The following SS18L1 variants were observed in gnomAD, a reference collection of about 807,000 sequenced individuals.
The protein encoded by SS18L1 is SS18L1 subunit of BAF chromatin remodeling complex.
A neutral mutation model predicts 70.3 loss-of-function variants in SS18L1; 32 were observed. That is an observed-to-expected ratio of 0.46 (90% CI 0.34 to 0.61). The LOEUF is 0.61. SS18L1 is among the 20% of genes least tolerant of loss of function. The pLI is 0.01. For missense variants in SS18L1, 430 were observed against 542.1 expected (o/e 0.79, Z 2.05); for synonymous variants, 237 against 229.7 (o/e 1.03, Z -0.29).
chr20:62,144,407 G>A (rs2056984224), intron 1 of SS18L1, among the ~76,000 whole-genome samples: 2 of 152,364 alleles, frequency 1.3e-5, no homozygotes, highest in Admixed American at 1.3e-4. Flanking sequence ...GCGACCGCGG[G>A]GACTGTGGCC....
intron 10 of SS18L1, among the ~76,000 whole-genome samples, chr20:62,178,485 G>A (rs1049153381): frequency 6.6e-6 from 1 of 151,994 alleles, no homozygotes; most frequent in African/African-American, 2.4e-5. Flanking sequence ...TTGTAGAGAT[G>A]GGGTCTTGCT....
chr20:62,147,038 T>C (rs2057043527), intron 1 of SS18L1, among the ~76,000 whole-genome samples: 1 of 152,180 alleles, frequency 6.6e-6, no homozygotes, highest in South Asian at 2.1e-4. Flanking sequence ...GTACCTCCCA[T>C]GCGCAGGCAC....
chr20:62,166,079 T>G (rs1345021576), intron 8 of SS18L1, among the ~76,000 whole-genome samples: 1 of 152,264 alleles, frequency 6.6e-6, no homozygotes, highest in Non-Finnish European at 1.5e-5. Context: ...CTGTGGTGTC[T>G]GTGCCCCCAC....
At chr20:62,170,669 C>T (rs369954137) in intron 8 of SS18L1, among the ~76,000 whole-genome samples, 3 of 152,226 alleles carry the variant, frequency 2.0e-5, no homozygotes, top group African/African-American at 7.2e-5. Flanking sequence ...CCACAGATGT[C>T]GTGCCCCCTT....
intron 1 of SS18L1, among the ~76,000 whole-genome samples, chr20:62,152,384 C>G (rs1486296366): frequency 1.3e-5 from 2 of 152,218 alleles, no homozygotes; most frequent in Non-Finnish European, 2.9e-5. Flanking sequence ...TCTGGCTCCT[C>G]CAGATGGAGT....
At chr20:62,156,169 G>A (rs890071562) in intron 1 of SS18L1, among the ~76,000 whole-genome samples, 4 of 152,164 alleles carry the variant, frequency 2.6e-5, no homozygotes, top group African/African-American at 4.8e-5. Context: ...TCCCGGCCCC[G>A]TGCTGGGAGT....
rs143794824 is a variant in SS18L1 at position 62,179,991 on chromosome 20, C to G, written c.*783C>G. ...CGGTATTGCTGAAGGAAAGGGGCAG[C>G]TCTCTGGGAAGTGGGCCCTCAGAGA... On this transcript the variant is annotated 3_prime_UTR_variant, in exon 11 of 11. Coordinates refer to ENST00000331758, the MANE Select transcript of SS18L1 (RefSeq NM_198935.3). 9.0e-6 allele frequency: 2 copies of G among 222,624 alleles called. No individual in the cohort carries two copies. The highest frequency in any genetic ancestry group is 4.5e-5 in the African/African-American group (2 of 44,808). 13.8% of individuals were successfully genotyped at this position (222,624 alleles called of 1,614,324 possible). A position where few individuals can be genotyped will look rare whatever the true frequency, so the allele number is the denominator to read the frequency against.
rs113441351 is a variant in SS18L1, at chr20:62,174,289, C to T, written c.1037-228C>T. Among the ~76,000 whole-genome samples the T allele has an allele frequency of 8.5e-5, 13 of 152,148 alleles. No homozygotes were observed. Among genetic ancestry groups the T allele is most frequent in the Non-Finnish European group, 1.3e-4 (9 of 68,002 alleles). ...CCTGGGGCACAGTCCTGGGACCTCA[C>T]AGGACTGGAGGGGCTGGTGAGTCGG... On this transcript the variant is annotated intron_variant, in intron 9 of 10. Coordinates refer to ENST00000331758, the MANE Select transcript of SS18L1 (RefSeq NM_198935.3). The surrounding 1 kb of genome is among the most constrained non-coding windows in gnomAD (Gnocchi z 4.1).
At chr20:62,154,281 T>G (rs1467220082) in intron 1 of SS18L1, 1 of 1,019,778 alleles carries the variant, frequency 9.8e-7, no homozygotes, top group Non-Finnish European at 1.2e-6. Flanking sequence ...ACTCTGACAG[T>G]TTTTGAAGAA....
chr20:62,172,079 G>A (rs1157702659), intron 8 of SS18L1, among the ~76,000 whole-genome samples: 4 of 151,512 alleles, frequency 2.6e-5, no homozygotes. Flanking sequence ...GGAGAATGGC[G>A]TGAACCCGGG....
chr20:62,167,397 G>GA (rs74893564), intron 8 of SS18L1, among the ~76,000 whole-genome samples: 6,581 of 122,076 alleles, frequency 0.054, 229 homozygotes, highest in African/African-American at 0.095. Flanking sequence ...TTTCTCTCCC[G>GA]AAAAAAAAAA....
At chr20:62,154,814 C>T (rs2057193586) in intron 1 of SS18L1, among the ~76,000 whole-genome samples, 1 of 152,172 alleles carries the variant, frequency 6.6e-6, no homozygotes, top group Non-Finnish European at 1.5e-5. Flanking sequence ...GTGATTTCTT[C>T]ACTGCTCCTG....
intron 5 of SS18L1, 81 bp downstream of exon 5, chr20:62,163,012 C>T: frequency 6.6e-7 from 1 of 1,525,336 alleles, no homozygotes; most frequent in Non-Finnish European, 8.9e-7. Context: ...GACATGTGGT[C>T]CCGGGGAAGC....
At position 62,143,804 on chromosome 20, in the gene SS18L1, A is replaced by G; in HGVS notation, c.-17A>G. Reference sequence around the variant, plus strand: ...TATCCACCTCGATGACCACGGGCTGAGCCCCGCGCCGCCACCATGTCCGTG... The same window carrying G: ...TATCCACCTCGATGACCACGGGCTGGGCCCCGCGCCGCCACCATGTCCGTG... On this transcript the variant is annotated 5_prime_UTR_variant, in exon 1 of 11. It removes the in-frame stop codon of an upstream open reading frame in the 5' UTR. Coordinates refer to ENST00000331758, the MANE Select transcript of SS18L1 (RefSeq NM_198935.3). The G allele has an allele frequency of 1.5e-6, 2 of 1,343,652 alleles. No individual in the cohort carries two copies. Among genetic ancestry groups the G allele is most frequent in the East Asian group, 4.3e-5 (1 of 23,254 alleles). The allele number at this position is 1,343,652 out of a possible 1,614,324, so 83.2% of individuals were successfully genotyped here. A position where few individuals can be genotyped will look rare whatever the true frequency, so the allele number is the denominator to read the frequency against.
chr20:62,171,296 C>A (rs914787701), intron 8 of SS18L1, among the ~76,000 whole-genome samples: 1 of 152,078 alleles, frequency 6.6e-6, no homozygotes, highest in South Asian at 2.1e-4. Flanking sequence ...CCTTGAAAAC[C>A]CACTCCCCCA....
chr20:62,175,055 G>A (rs55665627), intron 10 of SS18L1: 45,517 of 728,432 alleles, frequency 0.062, 1,796 homozygotes, highest in South Asian at 0.18. Context: ...AGGACAGAGC[G>A]GGGGGCCCCA....
intron 1 of SS18L1, among the ~76,000 whole-genome samples, chr20:62,155,600 C>T (rs1284992175): frequency 6.6e-6 from 1 of 152,066 alleles, no homozygotes; most frequent in Non-Finnish European, 1.5e-5. Context: ...GTGGTTCACT[C>T]TGAGGTGCTC....
intron 1 of SS18L1, among the ~76,000 whole-genome samples, chr20:62,151,127 T>G (rs1232288949): frequency 6.6e-6 from 1 of 152,122 alleles, no homozygotes; most frequent in African/African-American, 2.4e-5. Flanking sequence ...GAGAGACTGT[T>G]CTGCTGAGAG....
At chr20:62,154,062 C>T (rs568385580) in intron 1 of SS18L1, among the ~76,000 whole-genome samples, 2 of 152,206 alleles carry the variant, frequency 1.3e-5, no homozygotes, top group Non-Finnish European at 2.9e-5. Context: ...AATGCTTGAA[C>T]GTGACTTTGC....
Sources: allele counts gnomAD v4.1 joint callset (sites outside exome capture counted in the v4.1 genomes callset), GRCh38; gene constraint gnomAD v4.1.1; non-coding constraint Gnocchi (gnomAD v3.1); transcripts MANE v1.5; gene names NCBI Gene and HGNC (gene_info 2026-07-23, HGNC 2026-07-21).